Variants in NSMCE2 observed in about 807,000 individuals in gnomAD.
NSMCE2 encodes E3 SUMO-protein ligase NSE2.
A neutral mutation model predicts 23.8 loss-of-function variants in NSMCE2; 24 were observed. That is an observed-to-expected ratio of 1.01 (90% CI 0.73 to 1.42). The LOEUF (loss-of-function observed/expected upper bound fraction) is 1.42, where lower values mean the gene tolerates loss of function less well. NSMCE2 is among the 40% of genes most tolerant of loss of function. The probability of loss-of-function intolerance (pLI) is 0.00; values close to 1 mark genes in which losing one functional copy is unlikely to be tolerated. For missense variants in NSMCE2, 284 were observed against 296.5 expected (o/e 0.96, Z 0.31); for synonymous variants, 92 against 94.1 (o/e 0.98, Z 0.13).
chr8:125,125,401 A>G (rs1819467573), intron 3 of NSMCE2, among the ~76,000 whole-genome samples: 2 of 152,088 alleles, frequency 1.3e-5, no homozygotes, highest in Admixed American at 6.5e-5. Context: ...TCCATCTATT[A>G]TCACAGAGCG....
At chr8:125,301,075 CA>C (rs1304641113) in intron 5 of NSMCE2, among the ~76,000 whole-genome samples, 1 of 151,860 alleles carries the variant, frequency 6.6e-6, no homozygotes, top group Non-Finnish European at 1.5e-5. Context: ...AAAGAGAAAA[CA>C]AAAAAAACTT....
At chr8:125,158,367 C>T (rs1340040243) in intron 4 of NSMCE2, among the ~76,000 whole-genome samples, 1 of 151,986 alleles carries the variant, frequency 6.6e-6, no homozygotes, top group African/African-American at 2.4e-5. Flanking sequence ...CCCCTCTGTG[C>T]AGTGATGATA....
At chr8:125,308,517 G>A (rs1042701199) in intron 5 of NSMCE2, among the ~76,000 whole-genome samples, 2 of 152,200 alleles carry the variant, frequency 1.3e-5, no homozygotes, top group East Asian at 1.9e-4. Context: ...ATCTGGCCTC[G>A]TCCTTAGTCA....
intron 4 of NSMCE2, among the ~76,000 whole-genome samples, chr8:125,174,674 T>A (rs11786188): frequency 2.0e-5 from 3 of 152,234 alleles, no homozygotes; most frequent in African/African-American, 7.2e-5. Flanking sequence ...CTTATTCATT[T>A]TCACAATTTT....
At chr8:125,212,230 CAT>C (rs200932613) in intron 5 of NSMCE2, among the ~76,000 whole-genome samples, 1,556 of 152,286 alleles carry the variant, frequency 0.01, 10 homozygotes, top group Non-Finnish European at 0.015. Flanking sequence ...AAGGCGAACA[CAT>C]ATTCATTTAA....
At chr8:125,277,575 C>A (rs942343126) in intron 5 of NSMCE2, among the ~76,000 whole-genome samples, 20 of 151,732 alleles carry the variant, frequency 1.3e-4, no homozygotes, top group African/African-American at 4.1e-4. Context: ...GGCGCGATCT[C>A]AGCTCACTGC....
chr8:125,303,366 C>G (rs1828636668), intron 5 of NSMCE2, among the ~76,000 whole-genome samples: 1 of 152,150 alleles, frequency 6.6e-6, no homozygotes, highest in Non-Finnish European at 1.5e-5. Flanking sequence ...AATTCTGATT[C>G]ATTTGCAGGA....
At chr8:125,290,445 T>C (rs1057506788) in intron 5 of NSMCE2, among the ~76,000 whole-genome samples, 2 of 152,188 alleles carry the variant, frequency 1.3e-5, no homozygotes, top group Non-Finnish European at 2.9e-5. Context: ...CTCTCATCTC[T>C]ACTTCTTTGC....
intron 5 of NSMCE2, among the ~76,000 whole-genome samples, chr8:125,326,043 G>T (rs1288195182): frequency 2.6e-5 from 4 of 152,078 alleles, no homozygotes; most frequent in Non-Finnish European, 5.9e-5. Context: ...GGATCACGAG[G>T]TCAGGAGATC....
chr8:125,134,294 T>C (rs1359523347), intron 3 of NSMCE2, among the ~76,000 whole-genome samples: 7 of 152,222 alleles, frequency 4.6e-5, no homozygotes, highest in African/African-American at 1.4e-4. Context: ...GTTTAAATTA[T>C]ATAGTTAAAT....
intron 3 of NSMCE2, among the ~76,000 whole-genome samples, chr8:125,129,680 A>G (rs1023900497): frequency 1.3e-5 from 2 of 152,262 alleles, no homozygotes; most frequent in East Asian, 3.9e-4. Flanking sequence ...TTTATACTAA[A>G]TAATAGAATT....
At chr8:125,317,454 C>T (rs1829255605) in intron 5 of NSMCE2, among the ~76,000 whole-genome samples, 1 of 152,186 alleles carries the variant, frequency 6.6e-6, no homozygotes, top group Non-Finnish European at 1.5e-5. Flanking sequence ...GCCTTGGCCT[C>T]CATAAGTTCT....
chr8:125,295,506 C>T (rs1828286234), intron 5 of NSMCE2, among the ~76,000 whole-genome samples: 1 of 152,174 alleles, frequency 6.6e-6, no homozygotes, highest in Non-Finnish European at 1.5e-5. Context: ...CTTTCTGACC[C>T]CCTGAGAGAA....
intron 3 of NSMCE2, among the ~76,000 whole-genome samples, chr8:125,111,769 C>G: frequency 6.6e-6 from 1 of 152,154 alleles, no homozygotes; most frequent in Non-Finnish European, 1.5e-5. Context: ...CACTGCACTG[C>G]AACCTAGGCA....
At chr8:125,147,571 T>G (rs1472791944) in intron 3 of NSMCE2, among the ~76,000 whole-genome samples, 5 of 152,140 alleles carry the variant, frequency 3.3e-5, no homozygotes, top group African/African-American at 1.2e-4. Flanking sequence ...TAAAAGCAGG[T>G]AGGGCCTGAG....
intron 5 of NSMCE2, among the ~76,000 whole-genome samples, chr8:125,249,817 C>CATT (rs901866784): frequency 1.1e-4 from 17 of 151,900 alleles, no homozygotes; most frequent in South Asian, 4.2e-4. Flanking sequence ...TGATGGTGAT[C>CATT]ATTATTATTA....
At position 125,098,209 on chromosome 8, in the gene NSMCE2, G is replaced by C. The variant is rs756334979; in HGVS notation, c.-110-3842G>C. 3.3e-4 allele frequency among the ~76,000 whole-genome samples: 50 copies of C among 152,156 alleles called. 1 individual carries two copies. The highest frequency in any genetic ancestry group is 1.3e-3 in the Admixed American group (20 of 15,266). On this transcript the variant is annotated intron_variant, in intron 1 of 7. Transcript: ENST00000287437. ...CAGTGTTTTAATGGGCCCATCAGAT[G>C]ATTCAATACACTGACACTACATGTC...
At chr8:125,366,554 G>T (rs550288333) in intron 7 of NSMCE2, among the ~76,000 whole-genome samples, 1 of 152,134 alleles carries the variant, frequency 6.6e-6, no homozygotes, top group Non-Finnish European at 1.5e-5. Flanking sequence ...TCATGATAAG[G>T]CAGGCACTAC....
intron 5 of NSMCE2, among the ~76,000 whole-genome samples, chr8:125,285,441 T>C (rs1001425932): frequency 9.2e-5 from 14 of 152,140 alleles, no homozygotes; most frequent in African/African-American, 3.4e-4. Flanking sequence ...CTCCCTTCCT[T>C]CTTTTAACAA....
Sources: allele counts gnomAD v4.1 joint callset (sites outside exome capture counted in the v4.1 genomes callset), GRCh38; gene constraint gnomAD v4.1.1; transcripts MANE v1.5; gene names NCBI Gene and HGNC (gene_info 2026-07-23, HGNC 2026-07-21).